The following CENPA variants were observed in gnomAD, a reference collection of about 807,000 sequenced individuals.
CENPA encodes the protein centromere protein A.
Under a neutral mutation model 17.2 loss-of-function variants are expected in CENPA, and 7 were observed. That is an observed-to-expected ratio of 0.41 (90% CI 0.23 to 0.76). The LOEUF (loss-of-function observed/expected upper bound fraction) is 0.76. Among genes scored for constraint, CENPA ranks in the 30% least tolerant of loss-of-function variants. The pLI is 0.34. For missense variants in CENPA, 149 were observed against 193.1 expected (o/e 0.77, Z 1.35); for synonymous variants, 82 against 77.4 (o/e 1.06, Z -0.31).
At chr2:26,789,216 T>C (rs1664572248) in intron 1 of CENPA, among the ~76,000 whole-genome samples, 1 of 152,040 alleles carries the variant, frequency 6.6e-6, no homozygotes, top group Admixed American at 6.6e-5. Context: ...CCTGTCAGGG[T>C]CACTAGCACC....
Position 26,793,191 on chromosome 2 carries a change from T to C in CENPA, c.335T>C (p.Leu112Pro). ...CATCTCTTTGAGGACGCCTATCTCC[T>C]CACCTTACATGCAGGCCGAGTTACT... is the stretch of plus-strand genomic sequence containing the variant. ...LVHLFEDAYL[L>P]TLHAGRVTLF... is the part of the protein sequence containing the mutation. The change falls in exon 4 of 5, where the codon CTC (leucine) becomes CCC (proline). Residue 112 changes from leucine (L) to proline (P), a missense_variant. Coordinates refer to ENST00000335756, the MANE Select transcript of CENPA (RefSeq NM_001809.4). 6.2e-7 allele frequency: 1 copy of C among 1,614,190 alleles called. No homozygotes were observed. The highest frequency in any genetic ancestry group is 8.5e-7 in the Non-Finnish European group (1 of 1,180,028).
intron 1 of CENPA, among the ~76,000 whole-genome samples, chr2:26,787,139 C>T (rs1188002781): frequency 6.6e-6 from 1 of 152,258 alleles, no homozygotes; most frequent in Non-Finnish European, 1.5e-5. Context: ...CTCCTGGCCT[C>T]AAGTGATCCT....
In CENPA at chr2:26,786,089, C is replaced by A; in HGVS notation, c.-108C>A. ...GCCAAGCACCGGCTCATGTGAGGCT[C>A]GCGGCACAGCGTTCTCTGGGCTCCC... On this transcript the variant is annotated 5_prime_UTR_variant, in exon 1 of 5. Transcript: ENST00000335756. 7.8e-7 allele frequency: 1 copy of A among 1,282,210 alleles called. No homozygotes were observed. Among genetic ancestry groups the A allele is most frequent in the Non-Finnish European group, 9.9e-7 (1 of 1,012,816 alleles). The allele number at this position is 1,282,210 out of a possible 1,614,324, so 79.4% of individuals were successfully genotyped here.
At chr2:26,787,010 C>T (rs1664519657) in intron 1 of CENPA, among the ~76,000 whole-genome samples, 1 of 152,242 alleles carries the variant, frequency 6.6e-6, no homozygotes, top group Non-Finnish European at 1.5e-5. Context: ...AGCTGCTTTA[C>T]TTATCTCTTA....
Position 26,788,836 on chromosome 2 carries a change from C to T in CENPA, c.100+2540C>T, listed in dbSNP as rs533771446. Among the ~76,000 whole-genome samples, 11 of 152,200 alleles carry T rather than the reference C, an allele frequency of 7.2e-5. No individual in the cohort carries two copies. The South Asian group carries it at 1.0e-3, about 14-fold the overall frequency. On this transcript the variant is annotated intron_variant, in intron 1 of 4. Coordinates refer to ENST00000335756, the MANE Select transcript of CENPA (RefSeq NM_001809.4). ...GATTACAGGCATGCACCACCGCATCCGGCTAATTTTGTGTTTTTAGTAGAG... is the reference window on the plus strand; with the variant it reads ...GATTACAGGCATGCACCACCGCATCTGGCTAATTTTGTGTTTTTAGTAGAG...
At chr2:26,792,702 T>G in intron 2 of CENPA, 54 bp from the exon 3 acceptor site, 1 of 1,399,402 alleles carries the variant, frequency 7.1e-7, no homozygotes, top group Non-Finnish European at 1.0e-6. Flanking sequence ...GTCCCTTGAA[T>G]CTCTCTTCTG....
At chr2:26,791,727 C>G (rs538842193) in intron 1 of CENPA, among the ~76,000 whole-genome samples, 2 of 152,322 alleles carry the variant, frequency 1.3e-5, no homozygotes, top group African/African-American at 2.4e-5. Flanking sequence ...TGGGAAAGAT[C>G]TAAGACTTGT....
intron 1 of CENPA, among the ~76,000 whole-genome samples, chr2:26,788,588 C>G (rs1357011959): frequency 6.6e-6 from 1 of 152,194 alleles, no homozygotes; most frequent in East Asian, 1.9e-4. Flanking sequence ...TACAGAGGAG[C>G]TTTCTACCTG....
At chr2:26,787,330 C>T (rs1018831329) in intron 1 of CENPA, among the ~76,000 whole-genome samples, 2 of 152,170 alleles carry the variant, frequency 1.3e-5, no homozygotes, top group Admixed American at 6.5e-5. Context: ...CTTCTCCTGC[C>T]TCAGCCTCCC....
chr2:26,786,063 T>G lies in CENPA; in HGVS notation c.-134T>G. On this transcript the variant is annotated 5_prime_UTR_variant, in exon 1 of 5. Coordinates refer to ENST00000335756, the MANE Select transcript of CENPA (RefSeq NM_001809.4). ...TTTGAACGCGAGCGGCGCGGACTTC[T>G]GCCAAGCACCGGCTCATGTGAGGCT... 1 of 1,241,788 alleles carries G rather than the reference T, an allele frequency of 8.1e-7. No homozygotes were observed. The allele number at this position is 1,241,788 out of a possible 1,614,324, so 76.9% of individuals were successfully genotyped here. A position where few individuals can be genotyped will look rare whatever the true frequency, so the allele number is the denominator to read the frequency against.
At chr2:26,792,912 G>T (rs1216895942) in intron 3 of CENPA, 79 bp downstream of exon 3, 1 of 1,383,522 alleles carries the variant, frequency 7.2e-7, no homozygotes, top group East Asian at 2.3e-5. Flanking sequence ...GTGCTGACTG[G>T]AGTGTCACAT....
At chr2:26,788,840 T>C (rs978864338) in intron 1 of CENPA, among the ~76,000 whole-genome samples, 3 of 152,106 alleles carry the variant, frequency 2.0e-5, no homozygotes, top group African/African-American at 7.2e-5. Flanking sequence ...CGCATCCGGC[T>C]AATTTTGTGT....
chr2:26,787,132 C>G (rs1240619897), intron 1 of CENPA, among the ~76,000 whole-genome samples: 1 of 152,266 alleles, frequency 6.6e-6, no homozygotes, highest in Non-Finnish European at 1.5e-5. Flanking sequence ...TCTCAAACTC[C>G]TGGCCTCAAG....
Position 26,786,121 on chromosome 2 carries a change from C to T in CENPA, c.-76C>T. 2 of 1,343,340 alleles carry T rather than the reference C, an allele frequency of 1.5e-6. No individual in the cohort carries two copies. The highest frequency in any genetic ancestry group is 3.6e-5 in the South Asian group (2 of 56,244). 83.2% of individuals were successfully genotyped at this position (1,343,340 alleles called of 1,614,324 possible). On this transcript the variant is annotated 5_prime_UTR_variant, in exon 1 of 5. Coordinates refer to ENST00000335756, the MANE Select transcript of CENPA (RefSeq NM_001809.4). ...CAGCGTTCTCTGGGCTCCCCAGAAG[C>T]CAGCCTTTCGCTCCCGGACCCGGCA...
chr2:26,786,333 C>G, intron 1 of CENPA, 37 bp downstream of exon 1: 1 of 1,290,048 alleles, frequency 7.8e-7, no homozygotes. Context: ...GAGGAGAAAA[C>G]CGAGGCTCGC....
Position 26,793,430 on chromosome 2 carries a change from A to G in CENPA, c.*47+104A>G, listed in dbSNP as rs190445966. 3.9e-6 allele frequency: 4 copies of G among 1,037,078 alleles called. No individual in the cohort carries two copies. In the African/African-American group the frequency reaches 4.9e-5, roughly 13 times the overall value. The allele number at this position is 1,037,078 out of a possible 1,614,324, so 64.2% of individuals were successfully genotyped here. ...CCTCGCCTTCCCTTTGTTCTCTAGT[A>G]AAGGTTGATCTAGTTTTGACTGCCT... On this transcript the variant is annotated intron_variant, in intron 4 of 4. Coordinates refer to ENST00000335756, the MANE Select transcript of CENPA (RefSeq NM_001809.4).
intron 1 of CENPA, among the ~76,000 whole-genome samples, chr2:26,790,721 G>A (rs1355007775): frequency 6.6e-6 from 1 of 152,228 alleles, no homozygotes; most frequent in African/African-American, 2.4e-5. Context: ...CTGGGCATGG[G>A]TCTTCCCAGT....
At chr2:26,789,122 TC>T (rs1664570837) in intron 1 of CENPA, among the ~76,000 whole-genome samples, 1 of 152,024 alleles carries the variant, frequency 6.6e-6, no homozygotes, top group South Asian at 2.1e-4. Flanking sequence ...TGCATCTGAT[TC>T]CTCCCTTCCT....
At chr2:26,789,928 T>C (rs890185819) in intron 1 of CENPA, among the ~76,000 whole-genome samples, 22 of 152,352 alleles carry the variant, frequency 1.4e-4, no homozygotes, top group African/African-American at 5.3e-4. Flanking sequence ...CTTCCACATC[T>C]CTATCCTGCA....
Sources: allele counts gnomAD v4.1 joint callset (sites outside exome capture counted in the v4.1 genomes callset), GRCh38; gene constraint gnomAD v4.1.1; transcripts MANE v1.5; gene names NCBI Gene and HGNC (gene_info 2026-07-23, HGNC 2026-07-21).